Variants in CACNG4 observed in about 807,000 individuals in gnomAD.
The protein encoded by CACNG4 is voltage-dependent calcium channel gamma-4 subunit.
A neutral mutation model predicts 22.9 loss-of-function variants in CACNG4; 8 were observed. The ratio of observed to expected loss-of-function variants is 0.35; its 90% CI spans 0.21 to 0.63. CACNG4 has a LOEUF of 0.63. Ranked by LOEUF, CACNG4 falls within the 30% of genes least tolerant of loss-of-function variation. CACNG4 has a pLI of 0.72. For missense variants in CACNG4, 357 were observed against 455.4 expected (o/e 0.78, Z 1.97); for synonymous variants, 188 against 191.9 (o/e 0.98, Z 0.17).
intron 1 of CACNG4, among the ~76,000 whole-genome samples, chr17:66,988,035 TTG>T (rs747107768): frequency 1.8e-3 from 274 of 149,096 alleles, no homozygotes; most frequent in African/African-American, 6.4e-3. Context: ...TACATCCTTT[TTG>T]TGTGTGTGTG....
At chr17:66,977,418 T>C (rs1202565658) in intron 1 of CACNG4, among the ~76,000 whole-genome samples, 2 of 152,106 alleles carry the variant, frequency 1.3e-5, no homozygotes, top group Non-Finnish European at 2.9e-5. Flanking sequence ...TGATGGTCAA[T>C]AGGACGGGGG....
At chr17:66,995,003 T>C (rs1034111861) in intron 1 of CACNG4, among the ~76,000 whole-genome samples, 1 of 152,148 alleles carries the variant, frequency 6.6e-6, no homozygotes, top group African/African-American at 2.4e-5. Flanking sequence ...AAGATCCATC[T>C]CAGATCTTTC....
intron 1 of CACNG4, among the ~76,000 whole-genome samples, chr17:66,995,961 G>A (rs2035372132): frequency 6.6e-6 from 1 of 152,180 alleles, no homozygotes; most frequent in African/African-American, 2.4e-5. Context: ...GGAACTGAGT[G>A]ACATGAAACC....
chr17:66,994,750 C>T (rs1416872722), intron 1 of CACNG4, among the ~76,000 whole-genome samples: 1 of 152,178 alleles, frequency 6.6e-6, no homozygotes, highest in Non-Finnish European at 1.5e-5. Context: ...ACTGATGTAA[C>T]AGCAACATCA....
At chr17:66,982,526 C>T (rs2035283560) in intron 1 of CACNG4, among the ~76,000 whole-genome samples, 1 of 152,160 alleles carries the variant, frequency 6.6e-6, no homozygotes, top group African/African-American at 2.4e-5. Context: ...ATCGTAGCTA[C>T]AGAGTGCTGA....
chr17:67,014,351 G>A (rs1225048392), intron 1 of CACNG4, among the ~76,000 whole-genome samples: 2 of 152,146 alleles, frequency 1.3e-5, no homozygotes, highest in African/African-American at 4.8e-5. Context: ...AAATTTGACA[G>A]GGATAAATGT....
At chr17:67,013,730 G>A (rs999692749) in intron 1 of CACNG4, among the ~76,000 whole-genome samples, 4 of 152,026 alleles carry the variant, frequency 2.6e-5, no homozygotes, top group African/African-American at 7.2e-5. Context: ...GGTTGAACCC[G>A]GGAGGTGGAG....
intron 1 of CACNG4, among the ~76,000 whole-genome samples, chr17:67,005,642 GA>G (rs1425606120): frequency 1.1e-4 from 16 of 152,318 alleles, no homozygotes; most frequent in African/African-American, 3.8e-4. Context: ...CTCGGTCCCC[GA>G]GTGGATTTTG....
At chr17:67,013,165 T>TATGACCCCAAGGCATGACCTTC (rs1805793865) in intron 1 of CACNG4, among the ~76,000 whole-genome samples, 1 of 151,982 alleles carries the variant, frequency 6.6e-6, no homozygotes, top group Non-Finnish European at 1.5e-5. Context: ...TACTTGGGGA[T>TATGACCCCAAGGCATGACCTTC]ATGACCCCAA....
Position 66,976,421 on chromosome 17 carries a change from C to T in CACNG4, c.220+11290C>T, listed in dbSNP as rs568866288. Among the ~76,000 whole-genome samples, 39 of 150,314 alleles carry T rather than the reference C, an allele frequency of 2.6e-4. 2 individuals carry two copies. The South Asian group carries it at 8.2e-3, about 31-fold the overall frequency. On this transcript the variant is annotated intron_variant, in intron 1 of 3. Coordinates refer to ENST00000262138, the MANE Select transcript of CACNG4 (RefSeq NM_014405.4). ...CTTTCCATCCCTCCATCCTTCCCAC[C>T]TCCATCCCTCTCTCTAACTTCCACC... is the stretch of plus-strand genomic sequence containing the variant.
chr17:67,024,810 G>A, intron 2 of CACNG4, 50 bp from the exon 3 acceptor site: 1 of 1,444,954 alleles, frequency 6.9e-7, no homozygotes, highest in Non-Finnish European at 9.1e-7. Context: ...GCCCGGGAGG[G>A]CACCTGATCT....
chr17:67,011,783 T>G (rs537298342), intron 1 of CACNG4, among the ~76,000 whole-genome samples: 1 of 152,296 alleles, frequency 6.6e-6, no homozygotes, highest in South Asian at 2.1e-4. Context: ...CAGTATCATC[T>G]TCTACTTGCC....
At chr17:67,002,126 TCA>T (rs1365157275) in intron 1 of CACNG4, among the ~76,000 whole-genome samples, 3 of 152,164 alleles carry the variant, frequency 2.0e-5, no homozygotes, top group Non-Finnish European at 4.4e-5. Context: ...TTTAATGGAC[TCA>T]CAGTTCCACG....
chr17:67,026,143 TTGTG>T (rs1224283341), intron 3 of CACNG4, among the ~76,000 whole-genome samples: 2 of 111,144 alleles, frequency 1.8e-5, no homozygotes, highest in African/African-American at 3.5e-5. Context: ...TGTGGTGTGT[TTGTG>T]TGTGTGAGGA....
chr17:66,970,084 C>T (rs1265364435), intron 1 of CACNG4, among the ~76,000 whole-genome samples: 1 of 152,190 alleles, frequency 6.6e-6, no homozygotes, highest in Non-Finnish European at 1.5e-5. Context: ...GCAGGACTCA[C>T]ATTCGTGCAT....
intron 1 of CACNG4, among the ~76,000 whole-genome samples, chr17:67,009,754 T>C (rs1398379366): frequency 6.6e-6 from 1 of 152,172 alleles, no homozygotes; most frequent in African/African-American, 2.4e-5. Context: ...TGTGTTCTCA[T>C]GTAGTTGAAG....
intron 1 of CACNG4, among the ~76,000 whole-genome samples, chr17:66,977,709 G>GA (rs1567750051): frequency 6.6e-6 from 1 of 152,146 alleles, no homozygotes; most frequent in Non-Finnish European, 1.5e-5. Flanking sequence ...GTTTTTTTCT[G>GA]AGAGCTACCA....
At chr17:67,029,057 G>A (rs1344945113) in intron 3 of CACNG4, among the ~76,000 whole-genome samples, 1 of 152,236 alleles carries the variant, frequency 6.6e-6, no homozygotes, top group Non-Finnish European at 1.5e-5. Flanking sequence ...TAAAGGCTGG[G>A]CGTGGTGGCT....
At chr17:66,999,702 GA>G (rs1372544602) in intron 1 of CACNG4, among the ~76,000 whole-genome samples, 2 of 152,140 alleles carry the variant, frequency 1.3e-5, no homozygotes, top group East Asian at 3.9e-4. Flanking sequence ...AACACATGGG[GA>G]TTACAGGTCC....
Sources: gnomAD v4.1 joint callset for allele counts (sites outside exome capture counted in the v4.1 genomes callset) on GRCh38, gnomAD v4.1.1 for gene constraint, MANE v1.5 for transcripts, NCBI Gene and HGNC (gene_info 2026-07-23, HGNC 2026-07-21) for gene names.